YWHAB: variants seen among roughly 807,000 people sequenced by gnomAD.
The protein encoded by YWHAB is tyrosine 3-monooxygenase/tryptophan 5-monooxygenase activation protein beta.
A neutral mutation model predicts 28.5 loss-of-function variants in YWHAB; 2 were observed. That is an observed-to-expected ratio of 0.07 (90% CI 0.03 to 0.22). YWHAB has a LOEUF of 0.22. Ranked by LOEUF, YWHAB falls within the 10% of genes least tolerant of loss-of-function variation. The probability of loss-of-function intolerance (pLI) is 1.00; values close to 1 mark genes in which losing one functional copy is unlikely to be tolerated. For synonymous variants in YWHAB, 103 were observed against 104.7 expected, an observed-to-expected ratio of 0.98 and a Z score of 0.10; for missense variants, 148 against 297.1, an observed-to-expected ratio of 0.50 and a Z score of 3.69.
intron 1 of YWHAB, among the ~76,000 whole-genome samples, chr20:44,888,042 T>C (rs2066538386): frequency 6.6e-6 from 1 of 152,218 alleles, no homozygotes; most frequent in Admixed American, 6.5e-5. Flanking sequence ...TCTTTCTGAA[T>C]CATTTTCTCG....
Position 44,901,652 on chromosome 20 carries a change from A to G in YWHAB, c.119A>G (p.Asn40Ser), listed in dbSNP as rs2066627710. ...AVTEQGHELS[N>S]EERNLLSVAY... The stretch of plus-strand genomic sequence containing the variant: ...ACAGAACAGGGGCATGAACTCTCCA[A>G]CGAAGAGAGAAATCTGCTCTCTGTT... The change falls in exon 2 of 6, where the codon AAC becomes AGC. Residue 40 changes from asparagine (N) to serine (S), a missense_variant. By Grantham distance (46) the Asn-to-Ser change is conservative. This residue lies in a region of YWHAB where 110 missense variants were observed against 177.9 expected (regional missense o/e 0.62). Coordinates refer to ENST00000353703, the MANE Select transcript of YWHAB (RefSeq NM_139323.4). 2.5e-6 allele frequency: 4 copies of G among 1,613,674 alleles called. No homozygotes were observed. The highest frequency in any genetic ancestry group is 1.7e-4 in the Middle Eastern group (1 of 6,060).
intron 1 of YWHAB, among the ~76,000 whole-genome samples, chr20:44,893,907 C>T (rs374671367): frequency 5.3e-5 from 8 of 151,888 alleles, no homozygotes; most frequent in African/African-American, 1.9e-4. Flanking sequence ...ACATTGGCCA[C>T]GCTGGTCTCG....
At chr20:44,902,170 A>T (rs186434255) in intron 2 of YWHAB, 1 of 191,978 alleles carries the variant, frequency 5.2e-6, no homozygotes, top group African/African-American at 2.3e-5. Flanking sequence ...TGTGTATATT[A>T]GTCAGAGTAG....
At chr20:44,886,170 G>A (rs1468635816) in intron 1 of YWHAB, 2 of 152,360 alleles carry the variant, frequency 1.3e-5, no homozygotes, top group African/African-American at 2.4e-5. Context: ...AGCGGAGCCG[G>A]GGATCCCGGA....
chr20:44,894,273 T>C (rs1177951553), intron 1 of YWHAB, among the ~76,000 whole-genome samples: 1 of 152,200 alleles, frequency 6.6e-6, no homozygotes, highest in East Asian at 1.9e-4. Flanking sequence ...CTAATGAGTT[T>C]GCCTGCGCCA....
In YWHAB at chr20:44,906,486, C is replaced by T. The variant is rs747625868; in HGVS notation, c.*48C>T. The T allele has an allele frequency of 5.7e-6, 4 of 703,124 alleles. No individual in the cohort carries two copies. In the South Asian group the frequency reaches 7.1e-5, roughly 12 times the overall value. The allele number at this position is 703,124 out of a possible 1,614,324, so 43.6% of individuals were successfully genotyped here. ...GTTCAGTGTCACTCTGTACCCTCAACATATATCCCTTGTGCGATAAAAAAA... is the reference window on the plus strand; with the variant it reads ...GTTCAGTGTCACTCTGTACCCTCAATATATATCCCTTGTGCGATAAAAAAA... On this transcript the variant is annotated 3_prime_UTR_variant, in exon 6 of 6. Coordinates refer to ENST00000353703, the MANE Select transcript of YWHAB (RefSeq NM_139323.4).
Position 44,906,315 on chromosome 20 carries a change from A to C in YWHAB, c.685-67A>C. 2.7e-6 allele frequency: 4 copies of C among 1,505,054 alleles called. No individual in the cohort carries two copies. The South Asian group carries it at 3.4e-5, about 13-fold the overall frequency. The allele number at this position is 1,505,054 out of a possible 1,614,324, so 93.2% of individuals were successfully genotyped here. Reference sequence around the variant, plus strand: ...ACTGTCGAGTGAGATAAGATTATACATACTGGGCCACTTACCTAGGGAACT... The same window carrying C: ...ACTGTCGAGTGAGATAAGATTATACCTACTGGGCCACTTACCTAGGGAACT... On this transcript the variant is annotated intron_variant, in intron 5 of 5. Transcript: ENST00000353703.
chr20:44,893,694 C>CTTTTTTTTTTTTTTTTTT (rs3091859), intron 1 of YWHAB, among the ~76,000 whole-genome samples: 2 of 103,792 alleles, frequency 1.9e-5, no homozygotes, highest in Non-Finnish European at 1.8e-5. Flanking sequence ...CCTCCCCTGC[C>CTTTTTTTTTTTTTTTTTT]TTTTTTTTTT....
chr20:44,888,382 AAAGGT>A (rs1387709481), intron 1 of YWHAB, among the ~76,000 whole-genome samples: 2 of 152,216 alleles, frequency 1.3e-5, no homozygotes, highest in Non-Finnish European at 2.9e-5. Flanking sequence ...ACAACCAATG[AAAGGT>A]AAGACTGTTA....
rs560415401 is a variant in YWHAB, at chr20:44,898,999, C to G, written c.-3-2532C>G. On this transcript the variant is annotated intron_variant, in intron 1 of 5. Transcript: ENST00000353703. ...AGTGTGGTGGTGCATGCCAGCAGTC[C>G]CAGCTACTCGGGTGGCTGAGGAGAA... 3.3e-5 allele frequency among the ~76,000 whole-genome samples: 5 copies of G among 152,028 alleles called. No individual in the cohort carries two copies. In the East Asian group the frequency reaches 9.8e-4, roughly 30 times the overall value.
Position 44,906,818 on chromosome 20 carries a change from C to G in YWHAB, c.*380C>G, listed in dbSNP as rs965677480. 1.2e-5 allele frequency: 2 copies of G among 160,646 alleles called. No individual in the cohort carries two copies. Among genetic ancestry groups the G allele is most frequent in the African/African-American group, 4.8e-5 (2 of 41,644 alleles). The allele number at this position is 160,646 out of a possible 1,614,324, so 10.0% of individuals were successfully genotyped here. On this transcript the variant is annotated 3_prime_UTR_variant, in exon 6 of 6. Transcript: ENST00000353703. ...AGGTTTAATCTGATATCAAAATAAT[C>G]ATTGAAATACAATTCCATTGTAAAG...
At chr20:44,900,064 T>C (rs74336773) in intron 1 of YWHAB, among the ~76,000 whole-genome samples, 1 of 151,952 alleles carries the variant, frequency 6.6e-6, no homozygotes, top group African/African-American at 2.4e-5. Context: ...TTTTTTTTTT[T>C]AGAGACAGGG....
rs1350283940 is a variant in YWHAB, at chr20:44,901,539, A to G, written c.6A>G (p.Thr2=). The G allele has an allele frequency of 6.3e-7, 1 of 1,588,574 alleles. No homozygotes were observed. The highest frequency in any genetic ancestry group is 1.7e-5 in the Admixed American group (1 of 59,010). The change falls in exon 2 of 6, where the codon ACA becomes ACG. Residue 2 remains threonine (T), a synonymous_variant. Coordinates refer to ENST00000353703, the MANE Select transcript of YWHAB (RefSeq NM_139323.4). M[T]MDKSELVQKA... ...TCTTGCTCTTGTTCTAGGGAATGAC[A>G]ATGGATAAAAGTGAGCTGGTACAGA...
At chr20:44,897,062 C>T (rs1222423833) in intron 1 of YWHAB, among the ~76,000 whole-genome samples, 2 of 152,050 alleles carry the variant, frequency 1.3e-5, no homozygotes, top group African/African-American at 2.4e-5. Context: ...AAATAGCTGA[C>T]CCCAAACAGA....
chr20:44,886,290 G>C (rs531585296), intron 1 of YWHAB: 11 of 152,432 alleles, frequency 7.2e-5, no homozygotes, highest in African/African-American at 2.6e-4. Flanking sequence ...CTGGTTTCCA[G>C]AAATTAAAAT....
At chr20:44,893,694 CTTT>C (rs3091859) in intron 1 of YWHAB, among the ~76,000 whole-genome samples, 3 of 103,782 alleles carry the variant, frequency 2.9e-5, no homozygotes, top group Non-Finnish European at 5.5e-5. Context: ...CCTCCCCTGC[CTTT>C]TTTTTTTTTT....
intron 3 of YWHAB, among the ~76,000 whole-genome samples, 179 bp from the exon 4 acceptor site, chr20:44,904,789 A>G (rs1410139331): frequency 1.3e-5 from 2 of 152,226 alleles, no homozygotes; most frequent in Admixed American, 6.5e-5. Flanking sequence ...TTAATATACA[A>G]CTTGGTTTAG....
At chr20:44,899,070 T>C (rs191226258) in intron 1 of YWHAB, among the ~76,000 whole-genome samples, 202 of 152,120 alleles carry the variant, frequency 1.3e-3, no homozygotes, top group African/African-American at 4.6e-3. Context: ...CGAGGTTGCG[T>C]CACTGAACTC....
intron 1 of YWHAB, among the ~76,000 whole-genome samples, chr20:44,896,594 G>C (rs1223750321): frequency 6.6e-6 from 1 of 152,256 alleles, no homozygotes; most frequent in East Asian, 1.9e-4. Flanking sequence ...GAACTTTAAA[G>C]AATTTTGAGC....
Sources: gnomAD v4.1 joint callset for allele counts (sites outside exome capture counted in the v4.1 genomes callset) on GRCh38, gnomAD v4.1.1 for gene constraint, gnomAD v4.1.1 regional missense constraint, MANE v1.5 for transcripts, NCBI Gene and HGNC (gene_info 2026-07-23, HGNC 2026-07-21) for gene names.